The following RANBP2 variants were observed in gnomAD, a reference collection of about 807,000 sequenced individuals.
RANBP2 encodes E3 SUMO-protein ligase RanBP2.
Under a neutral mutation model 303.6 loss-of-function variants are expected in RANBP2, and 57 were observed. The observed-to-expected ratio is 0.19, with a 90% CI of 0.15 to 0.23. The LOEUF (loss-of-function observed/expected upper bound fraction) is 0.23, where lower values mean the gene tolerates loss of function less well. Ranked by LOEUF, RANBP2 falls within the 10% of genes least tolerant of loss-of-function variation. The pLI is 1.00. For synonymous variants in RANBP2, 1,167 were observed against 1,301.5 expected, an observed-to-expected ratio of 0.90 and a Z score of 2.23; for missense variants, 3,138 against 3,780.8, an observed-to-expected ratio of 0.83 and a Z score of 4.46.
chr2:109,656,812 G>A, the RANBP2 span, among the ~76,000 whole-genome samples: 1 of 152,320 alleles, frequency 6.6e-6, no homozygotes, highest in South Asian at 2.1e-4. Flanking sequence ...AGTGAATGCA[G>A]AATAAGACCT....
chr2:109,216,497 G>A, the RANBP2 span, among the ~76,000 whole-genome samples: 1 of 152,194 alleles, frequency 6.6e-6, no homozygotes, highest in African/African-American at 2.4e-5. Flanking sequence ...GGCAGTGCAC[G>A]CCCACCTGGC....
At chr2:108,954,682 T>TC in the RANBP2 span, among the ~76,000 whole-genome samples, 1 of 151,982 alleles carries the variant, frequency 6.6e-6, no homozygotes, top group East Asian at 1.9e-4. Context: ...GATAATCTTT[T>TC]TTTTTTTTTC....
chr2:109,247,393 T>G, the RANBP2 span, among the ~76,000 whole-genome samples: 1 of 152,240 alleles, frequency 6.6e-6, no homozygotes, highest in Non-Finnish European at 1.5e-5. Context: ...CTAGCACACT[T>G]GTGTAAGACC....
chr2:109,431,837 C>G, the RANBP2 span, among the ~76,000 whole-genome samples: 2 of 151,896 alleles, frequency 1.3e-5, no homozygotes, highest in South Asian at 4.2e-4. Context: ...TACCACTGCA[C>G]TCCAGCCTGG....
At chr2:109,142,019 C>T in the RANBP2 span, among the ~76,000 whole-genome samples, 5 of 150,066 alleles carry the variant, frequency 3.3e-5, no homozygotes, top group East Asian at 1.9e-4. Flanking sequence ...TGCCCAAGTC[C>T]TCTTCTGGGG....
the RANBP2 span, among the ~76,000 whole-genome samples, chr2:109,542,360 G>A: frequency 2.6e-5 from 4 of 152,168 alleles, no homozygotes; most frequent in East Asian, 1.9e-4. Context: ...CAAAACGACC[G>A]CCCTGCTGTT....
the RANBP2 span, among the ~76,000 whole-genome samples, chr2:109,656,601 A>G: frequency 6.6e-6 from 1 of 152,158 alleles, no homozygotes; most frequent in Non-Finnish European, 1.5e-5. Context: ...CGGCCTCCCA[A>G]AGTGCTGGGA....
chr2:109,218,281 G>A, the RANBP2 span, among the ~76,000 whole-genome samples: 3 of 152,130 alleles, frequency 2.0e-5, no homozygotes, highest in Non-Finnish European at 4.4e-5. Flanking sequence ...AAACTTTCTT[G>A]GCTCTCTTGC....
the RANBP2 span, among the ~76,000 whole-genome samples, chr2:108,924,377 C>T: frequency 6.6e-6 from 1 of 152,202 alleles, no homozygotes. Flanking sequence ...CAGGCTCTAG[C>T]TCCTATCCTA....
At chr2:108,982,438 G>A in the RANBP2 span, among the ~76,000 whole-genome samples, 1 of 152,246 alleles carries the variant, frequency 6.6e-6, no homozygotes, top group Non-Finnish European at 1.5e-5. Flanking sequence ...AAGAACTAGG[G>A]ACATTGGCGT....
chr2:108,771,593 A>T, intron 20 of RANBP2, 108 bp from the exon 21 acceptor site: 1 of 1,538,812 alleles, frequency 6.5e-7, no homozygotes, highest in Admixed American at 2.0e-5. Flanking sequence ...TTTTATCAGT[A>T]TGCTGTTTTA....
chr2:109,377,687 A>G, the RANBP2 span, among the ~76,000 whole-genome samples: 5 of 152,126 alleles, frequency 3.3e-5, no homozygotes, highest in Non-Finnish European at 7.4e-5. Flanking sequence ...GCTGATGGCC[A>G]TTTCCCGTTT....
chr2:108,817,056 C>A, the RANBP2 span, among the ~76,000 whole-genome samples: 1 of 152,278 alleles, frequency 6.6e-6, no homozygotes, highest in East Asian at 1.9e-4. Context: ...TAAGTTTCAA[C>A]ATGACTTTTG....
chr2:108,866,095 C>A, the RANBP2 span, among the ~76,000 whole-genome samples: 241 of 152,204 alleles, frequency 1.6e-3, no homozygotes, highest in Admixed American at 4.0e-3. Flanking sequence ...TGGTTTCACA[C>A]CTACTGGGAT....
chr2:109,489,873 G>A, the RANBP2 span, among the ~76,000 whole-genome samples: 7 of 152,168 alleles, frequency 4.6e-5, no homozygotes, highest in African/African-American at 1.7e-4. Flanking sequence ...GAGTATCTGG[G>A]ATTACAGGCA....
the RANBP2 span, among the ~76,000 whole-genome samples, chr2:109,397,459 C>G: frequency 6.6e-6 from 1 of 152,126 alleles, no homozygotes; most frequent in Non-Finnish European, 1.5e-5. Flanking sequence ...AAAGAGTTCC[C>G]TCTGCTTTAT....
chr2:109,006,174 G>C, the RANBP2 span, among the ~76,000 whole-genome samples: 1 of 151,998 alleles, frequency 6.6e-6, no homozygotes, highest in Non-Finnish European at 1.5e-5. Context: ...AATTATTTGG[G>C]GGTAATTTTC....
At chr2:108,887,462 G>T in the RANBP2 span, among the ~76,000 whole-genome samples, 1 of 152,102 alleles carries the variant, frequency 6.6e-6, no homozygotes, top group African/African-American at 2.4e-5. Context: ...ATTGCTTTGG[G>T]CAACGTGGTT....
At chr2:109,251,558 T>C in the RANBP2 span, 2 of 787,608 alleles carry the variant, frequency 2.5e-6, no homozygotes, top group African/African-American at 3.4e-5. Context: ...GATGAATGTG[T>C]GGAGATGGCG....
Sources: allele counts gnomAD v4.1 joint callset (sites outside exome capture counted in the v4.1 genomes callset), GRCh38; gene constraint gnomAD v4.1.1; transcripts MANE v1.5; gene names NCBI Gene and HGNC (gene_info 2026-07-23, HGNC 2026-07-21).